The following PKN2 variants were observed in gnomAD, a reference collection of about 807,000 sequenced individuals.
The protein encoded by PKN2 is protein kinase N2, also known as serine/threonine-protein kinase N2.
A neutral mutation model predicts 119.1 loss-of-function variants in PKN2; 38 were observed. The observed-to-expected ratio is 0.32, with a 90% CI of 0.25 to 0.42. PKN2 has a LOEUF of 0.42. Among genes scored for constraint, PKN2 ranks in the 10% least tolerant of loss-of-function variants. The pLI is 1.00. For synonymous variants in PKN2, 390 were observed against 384.9 expected (o/e 1.01, Z -0.15); for missense variants, 850 against 1,165.1 (o/e 0.73, Z 3.94).
chr1:88,699,065 C>T (rs1015471167), intron 1 of PKN2, among the ~76,000 whole-genome samples: 16 of 150,536 alleles, frequency 1.1e-4, no homozygotes, highest in Admixed American at 9.3e-4. Context: ...CTATTATATT[C>T]TTTCCTTCCT....
intron 3 of PKN2, among the ~76,000 whole-genome samples, chr1:88,765,054 G>T (rs1669605559): frequency 6.6e-6 from 1 of 151,964 alleles, no homozygotes; most frequent in Non-Finnish European, 1.5e-5. Flanking sequence ...TGCCTCCTGT[G>T]TAGCTGGAAT....
At position 88,762,787 on chromosome 1, in the gene PKN2, G is replaced by A. The variant is rs147745593; in HGVS notation, c.504+2411G>A. On this transcript the variant is annotated intron_variant, in intron 3 of 21. Transcript: ENST00000370521. ...AATAAAATCTTTTAAGTTTTAGTAC[G>A]ATATTTGAAAAATGATTTGGCATTT... Among the ~76,000 whole-genome samples, 162 of 152,232 alleles carry A rather than the reference G, an allele frequency of 1.1e-3. 5 individuals are homozygous for A. The East Asian group carries it at 0.024, about 22-fold the overall frequency.
Position 88,771,487 on chromosome 1 carries a change from T to C in PKN2, c.689T>C (p.Phe230Ser). Residue 230 changes from phenylalanine to serine, a missense_variant, in exon 5 of 22, where the codon TTT (phenylalanine) becomes TCT (serine). By Grantham distance (155) the Phe-to-Ser change is radical. Transcript: ENST00000370521. ...EELRHHFRIE[F>S]AVAEGAKNVM... is the part of the protein sequence containing the mutation. ...TTAAGGCATCATTTTAGGATAGAGTTTGCAGTAGCAGAAGGTGCAAAGAAT... is the reference window on the plus strand; with the variant it reads ...TTAAGGCATCATTTTAGGATAGAGTCTGCAGTAGCAGAAGGTGCAAAGAAT... The C allele has an allele frequency of 6.2e-7, 1 of 1,610,030 alleles. No homozygotes were observed. Among genetic ancestry groups the C allele is most frequent in the South Asian group, 1.1e-5 (1 of 90,102 alleles).
chr1:88,753,812 C>T (rs1170633728), intron 2 of PKN2, among the ~76,000 whole-genome samples: 2 of 152,054 alleles, frequency 1.3e-5, no homozygotes, highest in Non-Finnish European at 2.9e-5. Context: ...CGCCAGGCCT[C>T]ATGTTCAACA....
rs547880746 is a variant in PKN2 at position 88,717,917 on chromosome 1, C to T, written c.49-23071C>T. Among the ~76,000 whole-genome samples the T allele has an allele frequency of 2.1e-4, 32 of 152,240 alleles. No individual in the cohort carries two copies. In the South Asian group the frequency reaches 6.4e-3, roughly 31 times the overall value. On this transcript the variant is annotated intron_variant, in intron 1 of 21. Coordinates refer to ENST00000370521, the MANE Select transcript of PKN2 (RefSeq NM_006256.4). ...TTCAGCTTTTCTGCTCTGGTTTCTC[C>T]CCATCTTTGTGGTTTTATCTACCTT...
At chr1:88,801,396 AAAT>A (rs1331483243) in intron 8 of PKN2, among the ~76,000 whole-genome samples, 3 of 152,156 alleles carry the variant, frequency 2.0e-5, no homozygotes, top group African/African-American at 7.2e-5. Flanking sequence ...AAAAAACAAA[AAAT>A]AATAAAAAAT....
chr1:88,721,722 CT>C (rs1360085806), intron 1 of PKN2, among the ~76,000 whole-genome samples: 1 of 152,034 alleles, frequency 6.6e-6, no homozygotes, highest in Non-Finnish European at 1.5e-5. Flanking sequence ...TCTAAAAAGT[CT>C]TTTTTGCATA....
At chr1:88,752,451 T>A (rs1669040941) in intron 2 of PKN2, among the ~76,000 whole-genome samples, 1 of 152,126 alleles carries the variant, frequency 6.6e-6, no homozygotes, top group Admixed American at 6.5e-5. Context: ...TCATTCATGG[T>A]GAATTTTTTT....
intron 1 of PKN2, among the ~76,000 whole-genome samples, chr1:88,706,798 A>G (rs757123642): frequency 6.6e-5 from 10 of 152,224 alleles, no homozygotes; most frequent in Middle Eastern, 3.4e-3. Flanking sequence ...TCAGTTCAGA[A>G]TATGTGCTGA....
intron 19 of PKN2, chr1:88,829,508 G>C (rs917294529): frequency 5.7e-6 from 1 of 176,084 alleles, no homozygotes. Context: ...ACTGTTTTCT[G>C]TAGATTAACT....
Position 88,707,735 on chromosome 1 carries a change from T to C in PKN2, c.48+23107T>C, listed in dbSNP as rs1374040079. On this transcript the variant is annotated intron_variant, in intron 1 of 21. Transcript: ENST00000370521. ...TTGTATCTTCCTGATTGTAACAGGATTGGTATATTTTCATTTGCTTATTTT... is the reference window on the plus strand; with the variant it reads ...TTGTATCTTCCTGATTGTAACAGGACTGGTATATTTTCATTTGCTTATTTT... Among the ~76,000 whole-genome samples the C allele has an allele frequency of 2.0e-5, 3 of 152,136 alleles. No homozygotes were observed. The East Asian group carries it at 5.8e-4, about 29-fold the overall frequency.
At chr1:88,770,511 G>A (rs748422143) in intron 4 of PKN2, 42 bp downstream of exon 4, 1 of 1,028,682 alleles carries the variant, frequency 9.7e-7, no homozygotes, top group South Asian at 1.3e-5. Context: ...GCATAATGGT[G>A]CTAAATAATC....
At chr1:88,695,615 G>A (rs1666512037) in intron 1 of PKN2, among the ~76,000 whole-genome samples, 1 of 152,116 alleles carries the variant, frequency 6.6e-6, no homozygotes, top group Admixed American at 6.5e-5. Flanking sequence ...GATACGTGCT[G>A]TTCAACCACG....
chr1:88,699,027 T>A (rs1410973208), intron 1 of PKN2, among the ~76,000 whole-genome samples: 1 of 152,214 alleles, frequency 6.6e-6, no homozygotes, highest in East Asian at 1.9e-4. Flanking sequence ...TGCATTGTAT[T>A]GTTTTTACAT....
At chr1:88,752,422 T>C (rs994210201) in intron 2 of PKN2, among the ~76,000 whole-genome samples, 2 of 152,130 alleles carry the variant, frequency 1.3e-5, no homozygotes, top group African/African-American at 4.8e-5. Context: ...TTTACAAGGC[T>C]AGTCCTCTAA....
intron 16 of PKN2, among the ~76,000 whole-genome samples, chr1:88,821,348 C>T (rs1447449702): frequency 1.3e-5 from 2 of 152,140 alleles, no homozygotes; most frequent in African/African-American, 2.4e-5. Context: ...CTCCATCCTT[C>T]GCATTGCTAC....
intron 17 of PKN2, among the ~76,000 whole-genome samples, chr1:88,822,579 C>CTT (rs1248235815): frequency 0.019 from 2,586 of 135,064 alleles, 57 homozygotes; most frequent in South Asian, 0.067. Flanking sequence ...ATTATTTAAG[C>CTT]TTTTTTTTTT....
chr1:88,721,910 A>T (rs1387508686), intron 1 of PKN2, among the ~76,000 whole-genome samples: 1 of 152,112 alleles, frequency 6.6e-6, no homozygotes. Flanking sequence ...GAATTTTCTG[A>T]GGTCAGTTGC....
intron 15 of PKN2, 138 bp from the exon 16 acceptor site, chr1:88,813,419 C>T: frequency 1.7e-6 from 1 of 583,946 alleles, no homozygotes; most frequent in Non-Finnish European, 2.9e-6. Flanking sequence ...GCACATATAG[C>T]AAAACTAAGA....
Sources: gnomAD v4.1 joint callset for allele counts (sites outside exome capture counted in the v4.1 genomes callset) on GRCh38, gnomAD v4.1.1 for gene constraint, MANE v1.5 for transcripts, NCBI Gene and HGNC (gene_info 2026-07-23, HGNC 2026-07-21) for gene names.